The following LRRC51 variants were observed in gnomAD, a reference collection of about 807,000 sequenced individuals.
The protein encoded by LRRC51 is leucine rich repeat containing 51.
Under a neutral mutation model 17.8 loss-of-function variants are expected in LRRC51, and 8 were observed. The ratio of observed to expected loss-of-function variants is 0.45; its 90% confidence interval spans 0.26 to 0.81. LRRC51 has a LOEUF of 0.81. Among genes scored for constraint, LRRC51 ranks in the 30% least tolerant of loss-of-function variants. LRRC51 has a pLI of 0.17. For missense variants in LRRC51, 233 were observed against 239.3 expected (o/e 0.97, Z 0.17); for synonymous variants, 92 against 96.0 (o/e 0.96, Z 0.24).
Position 72,095,003 on chromosome 11 carries a change from A to G in LRRC51, c.344A>G (p.Gln115Arg). 6.2e-7 allele frequency: 1 copy of G among 1,614,056 alleles called. No homozygotes were observed. Among genetic ancestry groups the G allele is most frequent in the Non-Finnish European group, 8.5e-7 (1 of 1,180,000 alleles). Reference protein sequence around the residue: ...SVLYLHGNSIQRLGEVNKLAV... With the variant: ...SVLYLHGNSIRRLGEVNKLAV... ...CTCTATCTTCACGGCAACAGCATCCAGCGCCTGGGGGAGGTGAATAAGCTG... is the reference window on the plus strand; with the variant it reads ...CTCTATCTTCACGGCAACAGCATCCGGCGCCTGGGGGAGGTGAATAAGCTG... The change falls in exon 5 of 6, where the codon CAG (glutamine) becomes CGG (arginine). Residue 115 changes from glutamine (Q) to arginine (R), a missense_variant. Coordinates refer to ENST00000289488, the MANE Select transcript of LRRC51 (RefSeq NM_145309.6).
In LRRC51 at chr11:72,095,560, G is replaced by A. The variant is rs763759032; in HGVS notation, c.*40G>A. ...TAGTAGTCCTAAAGGCCTAAGCATA[G>A]ACAGCATGGTTTGACAATAAATAAT... is the stretch of plus-strand genomic sequence containing the variant. On this transcript the variant is annotated 3_prime_UTR_variant, in exon 6 of 6. Transcript: ENST00000289488. The A allele has an allele frequency of 3.1e-6, 5 of 1,604,748 alleles. No homozygotes were observed. The highest frequency in any genetic ancestry group is 4.3e-6 in the Non-Finnish European group (5 of 1,175,234).
Position 72,095,702 on chromosome 11 carries a change from T to C in LRRC51, c.*182T>C. ...TTTTTTTTTTTTTTGAGACGGAGTC[T>C]CACTCTGTCACACAGGCTGGAGTGC... is the stretch of plus-strand genomic sequence containing the variant. On this transcript the variant is annotated 3_prime_UTR_variant, in exon 6 of 6. Transcript: ENST00000289488. 2 of 1,416,208 alleles carry C rather than the reference T, an allele frequency of 1.4e-6. No individual in the cohort carries two copies. The highest frequency in any genetic ancestry group is 1.9e-6 in the Non-Finnish European group (2 of 1,079,988). The allele number at this position is 1,416,208 out of a possible 1,614,324, so 87.7% of individuals were successfully genotyped here. A position where few individuals can be genotyped will look rare whatever the true frequency, so the allele number is the denominator to read the frequency against.
intron 1 of LRRC51, among the ~76,000 whole-genome samples, chr11:72,081,101 T>C (rs2511114): frequency 0.89 from 134,871 of 152,194 alleles, 60,049 homozygotes; most frequent in Non-Finnish European, 0.95. Context: ...TTGAGATATA[T>C]ATCCATACAG....
At chr11:72,094,582 C>A in intron 4 of LRRC51, 1 of 627,604 alleles carries the variant, frequency 1.6e-6, no homozygotes, top group South Asian at 1.9e-5. Flanking sequence ...ATTTTAAAAG[C>A]TTCTTATGTG....
chr11:72,094,686 TGA>T (rs34329029), intron 4 of LRRC51: 1 of 722,658 alleles, frequency 1.4e-6, no homozygotes, highest in Non-Finnish European at 2.5e-6. Context: ...CAACTAAGGC[TGA>T]GAGAGGCAAG....
At position 72,089,062 on chromosome 11, in the gene LRRC51, C is replaced by T; in HGVS notation, c.-22C>T. On this transcript the variant is annotated 5_prime_UTR_variant, in exon 3 of 6. Coordinates refer to ENST00000289488, the MANE Select transcript of LRRC51 (RefSeq NM_145309.6). Reference sequence around the variant, plus strand: ...CAGACTCCCAGGGCACCTGCTTGCACCTTTGAATGATGGCCTGAACTATGA... The same window carrying T: ...CAGACTCCCAGGGCACCTGCTTGCATCTTTGAATGATGGCCTGAACTATGA... 3.1e-6 allele frequency: 5 copies of T among 1,613,230 alleles called. No homozygotes were observed. The highest frequency in any genetic ancestry group is 3.4e-6 in the Non-Finnish European group (4 of 1,179,928).
chr11:72,084,910 CCTT>C (rs1944448057), intron 1 of LRRC51, among the ~76,000 whole-genome samples: 1 of 53,512 alleles, frequency 1.9e-5, no homozygotes, highest in Non-Finnish European at 3.9e-5. Flanking sequence ...GTGTGTAAAA[CCTT>C]ATTAGCTATA....
rs1408219859 is a variant in LRRC51 at position 72,094,520 on chromosome 11, G to A, written c.289-428G>A. The A allele has an allele frequency of 6.7e-6, 4 of 595,648 alleles. No homozygotes were observed. In the East Asian group the frequency reaches 1.1e-4, roughly 17 times the overall value. 36.9% of individuals were successfully genotyped at this position (595,648 alleles called of 1,614,324 possible). ...GATCCCTAAGAGGGGAAAGGAGCTG[G>A]AGCATGACTTGGACACTATTCCCCT... On this transcript the variant is annotated intron_variant, in intron 4 of 5. Coordinates refer to ENST00000289488, the MANE Select transcript of LRRC51 (RefSeq NM_145309.6).
intron 1 of LRRC51, 90 bp downstream of exon 1, chr11:72,080,975 T>A (rs1944135603): frequency 6.6e-6 from 1 of 152,650 alleles, no homozygotes; most frequent in South Asian, 2.1e-4. Flanking sequence ...CTAAGAACCT[T>A]CCTGCTCGGG....
intron 1 of LRRC51, among the ~76,000 whole-genome samples, chr11:72,081,779 C>T (rs1337228329): frequency 1.3e-5 from 2 of 152,166 alleles, no homozygotes; most frequent in Non-Finnish European, 2.9e-5. Flanking sequence ...CTACTCAAAG[C>T]TCTACAGTTA....
rs190494841 is a variant in LRRC51, at chr11:72,082,926, C to G, written c.-140+2041C>G. 6.9e-3 allele frequency among the ~76,000 whole-genome samples: 1,044 copies of G among 151,968 alleles called. 11 individuals are homozygous for G. Among genetic ancestry groups the G allele is most frequent in the Non-Finnish European group, 8.8e-3 (601 of 67,964 alleles). ...TGCTGCCCAGGCTGGAGTGCAATGG[C>G]GCAATCTCGGCTCACAGCAACCTCC... is the stretch of plus-strand genomic sequence containing the variant. On this transcript the variant is annotated intron_variant, in intron 1 of 5. Coordinates refer to ENST00000289488, the MANE Select transcript of LRRC51 (RefSeq NM_145309.6).
Position 72,094,564 on chromosome 11 carries a change from T to C in LRRC51, c.289-384T>C, listed in dbSNP as rs1411087346. ...TTCCCCTGGTGTGGTGATCTCAATT[T>C]AACCAGTATTTTAAAAGCTTCTTAT... On this transcript the variant is annotated intron_variant, in intron 4 of 5. Coordinates refer to ENST00000289488, the MANE Select transcript of LRRC51 (RefSeq NM_145309.6). The C allele has an allele frequency of 8.1e-6, 5 of 616,576 alleles. No homozygotes were observed. In the Admixed American group the frequency reaches 8.1e-5, roughly 10 times the overall value. The allele number at this position is 616,576 out of a possible 1,614,324, so 38.2% of individuals were successfully genotyped here. A position where few individuals can be genotyped will look rare whatever the true frequency, so the allele number is the denominator to read the frequency against.
At position 72,095,456 on chromosome 11, in the gene LRRC51, C is replaced by G. The variant is rs200724990; in HGVS notation, c.515C>G (p.Ala172Gly). Residue 172 changes from alanine to glycine, a missense_variant, in exon 6 of 6, where the codon GCT becomes GGT. Transcript: ENST00000289488. ...SGVTKADRTT[A>G]EVWKRMNIKP... Reference sequence around the variant, plus strand: ...GTCACCAAAGCAGACCGCACCACAGCTGAAGTCTGGAAACGCATGAACATC... The same window carrying G: ...GTCACCAAAGCAGACCGCACCACAGGTGAAGTCTGGAAACGCATGAACATC... 1.2e-6 allele frequency: 2 copies of G among 1,614,032 alleles called. No individual in the cohort carries two copies. The highest frequency in any genetic ancestry group is 1.7e-6 in the Non-Finnish European group (2 of 1,180,040).
intron 3 of LRRC51, among the ~76,000 whole-genome samples, chr11:72,093,122 A>G (rs751935240): frequency 1.1e-4 from 17 of 152,232 alleles, no homozygotes. Context: ...AGTGAATTCT[A>G]TAGGCTTTAC....
intron 3 of LRRC51, among the ~76,000 whole-genome samples, chr11:72,091,695 C>G (rs1256477551): frequency 6.6e-6 from 1 of 152,184 alleles, no homozygotes; most frequent in African/African-American, 2.4e-5. Context: ...TCCCTATTCT[C>G]TCTCCTCCTC....
intron 1 of LRRC51, chr11:72,086,263 G>C: frequency 1.7e-6 from 1 of 603,570 alleles, no homozygotes; most frequent in Non-Finnish European, 3.0e-6. Context: ...CTGGATGCAG[G>C]CTGGTTTACC....
rs745709612 is a variant in LRRC51, at chr11:72,095,671, CTTTTCT to C, written c.*156_*161del. The C allele has an allele frequency of 8.2e-5, 120 of 1,469,810 alleles. No individual in the cohort carries two copies. The South Asian group carries it at 1.1e-3, about 13-fold the overall frequency. 91.0% of individuals were successfully genotyped at this position (1,469,810 alleles called of 1,614,324 possible). On this transcript the variant is annotated 3_prime_UTR_variant, in exon 6 of 6. Transcript: ENST00000289488. ...CAACTGCAAGTAGCTCTAGCCTTTTCTTTTCTTTTTTTTTTTTTTGAGACGGAGTCT... is the reference window on the plus strand; with the variant it reads ...CAACTGCAAGTAGCTCTAGCCTTTTCTTTTTTTTTTTTTGAGACGGAGTCT...
chr11:72,085,316 C>T (rs1944471486), intron 1 of LRRC51: 1 of 152,110 alleles, frequency 6.6e-6, no homozygotes, highest in Non-Finnish European at 1.5e-5. Context: ...TCCATTAATT[C>T]CTTCATTTCT....
chr11:72,086,304 G>A, intron 1 of LRRC51: 1 of 651,716 alleles, frequency 1.5e-6, no homozygotes, highest in Non-Finnish European at 2.8e-6. Flanking sequence ...AGGTCTTTCT[G>A]TGCTCATGAC....
Sources: gnomAD v4.1 joint callset for allele counts (sites outside exome capture counted in the v4.1 genomes callset) on GRCh38, gnomAD v4.1.1 for gene constraint, MANE v1.5 for transcripts, NCBI Gene and HGNC (gene_info 2026-07-23, HGNC 2026-07-21) for gene names.